DTNBP1: variants seen among roughly 807,000 people sequenced by gnomAD.
DTNBP1 encodes dystrobrevin binding protein 1.
Under a neutral mutation model 42.8 loss-of-function variants are expected in DTNBP1, and 35 were observed. That is an observed-to-expected ratio of 0.82 (90% CI 0.63 to 1.09). The LOEUF is 1.09. Ranked by LOEUF, DTNBP1 falls within the 50% of genes least tolerant of loss-of-function variation. DTNBP1 has a pLI of 0.00. For synonymous variants in DTNBP1, 171 were observed against 162.2 expected (o/e 1.05, Z -0.41); for missense variants, 457 against 424.2 (o/e 1.08, Z -0.68).
In DTNBP1 at chr6:15,522,818, C is replaced by T; in HGVS notation, c.*157G>A. On this transcript the variant is annotated 3_prime_UTR_variant, in exon 10 of 10. Coordinates refer to ENST00000344537, the MANE Select transcript of DTNBP1 (RefSeq NM_032122.5). ...CTGTGCGCTCTCAGTTTACCGTCCT[C>T]ACACTTTATTGTTAGCTGTTCTTTA... The T allele has an allele frequency of 7.5e-7, 1 of 1,329,362 alleles. No individual in the cohort carries two copies. Among genetic ancestry groups the T allele is most frequent in the Non-Finnish European group, 1.1e-6 (1 of 949,208 alleles). 82.3% of individuals were successfully genotyped at this position (1,329,362 alleles called of 1,614,324 possible).
chr6:15,564,368 C>T (rs150193982), intron 7 of DTNBP1, among the ~76,000 whole-genome samples: 180 of 152,092 alleles, frequency 1.2e-3, no homozygotes, highest in African/African-American at 4.1e-3. Context: ...AATAATAAGA[C>T]AAACCAATTA....
intron 9 of DTNBP1, chr6:15,524,228 C>G (rs776512648): frequency 1.9e-5 from 29 of 1,548,440 alleles, no homozygotes; most frequent in Non-Finnish European, 2.4e-5. Flanking sequence ...CCACAAGGAG[C>G]AGACTCAAAT....
At chr6:15,646,347 A>T (rs1760680774) in intron 3 of DTNBP1, among the ~76,000 whole-genome samples, 1 of 151,808 alleles carries the variant, frequency 6.6e-6, no homozygotes, top group Non-Finnish European at 1.5e-5. Flanking sequence ...GAGAACTGTA[A>T]AACACTGATG....
chr6:15,650,957 T>C (rs1048644471), intron 3 of DTNBP1, among the ~76,000 whole-genome samples: 19 of 152,136 alleles, frequency 1.2e-4, no homozygotes, highest in Admixed American at 7.2e-4. Context: ...TTAAACTCCA[T>C]GTCAATAAAA....
intron 6 of DTNBP1, among the ~76,000 whole-genome samples, chr6:15,599,396 G>A (rs958004246): frequency 1.3e-5 from 2 of 152,178 alleles, no homozygotes; most frequent in African/African-American, 4.8e-5. Flanking sequence ...GATAGTAAGT[G>A]ACAGAACTGG....
At chr6:15,547,250 G>T (rs768611906) in intron 7 of DTNBP1, among the ~76,000 whole-genome samples, 34 of 152,162 alleles carry the variant, frequency 2.2e-4, no homozygotes, top group Non-Finnish European at 4.4e-4. Context: ...GGGTTGTACA[G>T]ACAGAAAACC....
At chr6:15,629,471 C>T (rs1759561033) in intron 4 of DTNBP1, among the ~76,000 whole-genome samples, 1 of 151,952 alleles carries the variant, frequency 6.6e-6, no homozygotes. Flanking sequence ...TAGTTCATAC[C>T]TGCAATAAAA....
At chr6:15,599,524 T>G (rs1199127265) in intron 6 of DTNBP1, among the ~76,000 whole-genome samples, 1 of 152,184 alleles carries the variant, frequency 6.6e-6, no homozygotes, top group Non-Finnish European at 1.5e-5. Context: ...ATCTACAGAA[T>G]TCCAGAGTCA....
chr6:15,635,394 C>T (rs974850650), intron 4 of DTNBP1, among the ~76,000 whole-genome samples: 1 of 152,124 alleles, frequency 6.6e-6, no homozygotes, highest in African/African-American at 2.4e-5. Flanking sequence ...GCTGGGATTA[C>T]AGGTGTGAGC....
chr6:15,617,332 A>T (rs1758771661), intron 5 of DTNBP1, among the ~76,000 whole-genome samples: 1 of 152,144 alleles, frequency 6.6e-6, no homozygotes, highest in Non-Finnish European at 1.5e-5. Flanking sequence ...CCCTATCAAA[A>T]CACCAATGAC....
chr6:15,578,028 C>T (rs369160834), intron 7 of DTNBP1, among the ~76,000 whole-genome samples: 1 of 152,176 alleles, frequency 6.6e-6, no homozygotes, highest in African/African-American at 2.4e-5. Context: ...GAACAACTGC[C>T]AGACGATTCT....
chr6:15,577,609 A>G (rs538411424), intron 7 of DTNBP1, among the ~76,000 whole-genome samples: 17 of 152,366 alleles, frequency 1.1e-4, no homozygotes, highest in African/African-American at 3.8e-4. Context: ...AGAAGAGCCA[A>G]GAAGCAGGCA....
At chr6:15,571,817 G>A (rs1042117595) in intron 7 of DTNBP1, among the ~76,000 whole-genome samples, 1 of 152,082 alleles carries the variant, frequency 6.6e-6, no homozygotes, top group African/African-American at 2.4e-5. Context: ...TAAACTTTGA[G>A]GAATGAGGGA....
At chr6:15,536,960 T>TG (rs1773266001) in intron 7 of DTNBP1, among the ~76,000 whole-genome samples, 1 of 152,250 alleles carries the variant, frequency 6.6e-6, no homozygotes, top group Non-Finnish European at 1.5e-5. Context: ...CAGACTTGCT[T>TG]GGGGCCTGTA....
rs1772251294 is a variant in DTNBP1 at position 15,524,802 on chromosome 6, T to A, written c.668-133A>T. On this transcript the variant is annotated intron_variant, in intron 8 of 9. Transcript: ENST00000344537. ...CAAAATGGAATTTGAAGCAACGTAT[T>A]AGTAGATGACATATGCCAGTCTGGC... The A allele has an allele frequency of 3.6e-6, 5 of 1,374,822 alleles. No individual in the cohort carries two copies. In the South Asian group the frequency reaches 6.5e-5, roughly 18 times the overall value. The allele number at this position is 1,374,822 out of a possible 1,614,324, so 85.2% of individuals were successfully genotyped here.
chr6:15,619,345 T>C (rs1581400585), intron 5 of DTNBP1, among the ~76,000 whole-genome samples: 1 of 152,174 alleles, frequency 6.6e-6, no homozygotes, highest in Admixed American at 6.5e-5. Flanking sequence ...TATGTGTCAA[T>C]TAAAAATAAT....
intron 7 of DTNBP1, chr6:15,586,027 C>T (rs780891850): frequency 2.1e-5 from 25 of 1,182,886 alleles, no homozygotes; most frequent in Middle Eastern, 3.4e-4. Flanking sequence ...ATGTATGCAC[C>T]GGTCTGGGAC....
chr6:15,530,681 A>G (rs971076229), intron 8 of DTNBP1, among the ~76,000 whole-genome samples: 1 of 151,968 alleles, frequency 6.6e-6, no homozygotes, highest in African/African-American at 2.4e-5. Flanking sequence ...GGGTGCATCC[A>G]CGGCTCTCCC....
chr6:15,620,203 C>G (rs1218645087), intron 5 of DTNBP1, among the ~76,000 whole-genome samples: 1 of 152,160 alleles, frequency 6.6e-6, no homozygotes, highest in Non-Finnish European at 1.5e-5. Context: ...CCACATCAAA[C>G]AGCTACTATA....
Sources: gnomAD v4.1 joint callset for allele counts (sites outside exome capture counted in the v4.1 genomes callset) on GRCh38, gnomAD v4.1.1 for gene constraint, MANE v1.5 for transcripts, NCBI Gene and HGNC (gene_info 2026-07-23, HGNC 2026-07-21) for gene names.